The following ZNF532 variants were observed in gnomAD, a reference collection of about 807,000 sequenced individuals.
ZNF532 encodes the protein zinc finger protein 532.
A neutral mutation model predicts 89.3 loss-of-function variants in ZNF532; 22 were observed. The ratio of observed to expected loss-of-function variants is 0.25; its 90% confidence interval spans 0.18 to 0.35. The LOEUF (loss-of-function observed/expected upper bound fraction) is 0.35, where lower values mean the gene tolerates loss of function less well. Ranked by LOEUF, ZNF532 falls within the 10% of genes least tolerant of loss-of-function variation. The pLI, the probability that ZNF532 is intolerant of heterozygous loss-of-function variation, is 1.00. For synonymous variants in ZNF532, 606 were observed against 649.6 expected (o/e 0.93, Z 1.02); for missense variants, 1,132 against 1,643.4 (o/e 0.69, Z 5.38).
intron 7 of ZNF532, among the ~76,000 whole-genome samples, chr18:58,966,460 A>G (rs188101328): frequency 2.6e-4 from 40 of 152,302 alleles, no homozygotes; most frequent in Admixed American, 5.2e-4. Flanking sequence ...GAATCTGGAA[A>G]GCCCCAAGCT....
intron 4 of ZNF532, among the ~76,000 whole-genome samples, chr18:58,938,061 G>C (rs1267876978): frequency 6.6e-6 from 1 of 152,168 alleles, no homozygotes; most frequent in Non-Finnish European, 1.5e-5. Context: ...ATACAATCCA[G>C]AACATGCCAC....
chr18:58,910,366 T>C (rs2060204652), intron 2 of ZNF532, among the ~76,000 whole-genome samples: 1 of 152,206 alleles, frequency 6.6e-6, no homozygotes, highest in Non-Finnish European at 1.5e-5. Context: ...TGTTATTCAT[T>C]TGTATGAATG....
chr18:58,893,172 TTTCATGTG>T lies in ZNF532; in HGVS notation c.-17-25096_-17-25089del, dbSNP rs1306351065. On this transcript the variant is annotated intron_variant, in intron 2 of 9. Transcript: ENST00000591808. ...TTTTGCATTTTTAGCAGAGGCGGGG[TTTCATGTG>T]TTGGCCAGGCTGGTCTTGAACTCCT... 5.9e-5 allele frequency among the ~76,000 whole-genome samples: 9 copies of T among 151,424 alleles called. No individual in the cohort carries two copies. In the East Asian group the frequency reaches 1.8e-3, roughly 30 times the overall value.
chr18:58,898,631 C>CATCA, intron 2 of ZNF532, among the ~76,000 whole-genome samples: 1 of 152,296 alleles, frequency 6.6e-6, no homozygotes, highest in South Asian at 2.1e-4. Context: ...ACCCGCTGAT[C>CATCA]CCAGGTGTAG....
At chr18:58,905,480 G>A (rs1482422614) in intron 2 of ZNF532, among the ~76,000 whole-genome samples, 1 of 149,798 alleles carries the variant, frequency 6.7e-6, no homozygotes, top group East Asian at 2.0e-4. Context: ...ACTCACTGCA[G>A]CCTCTGCCTC....
intron 2 of ZNF532, among the ~76,000 whole-genome samples, chr18:58,895,842 T>C (rs2059210203): frequency 1.3e-5 from 2 of 148,238 alleles, no homozygotes; most frequent in Admixed American, 6.8e-5. Flanking sequence ...AAATCTTCAC[T>C]TTCTTTCTTT....
intron 5 of ZNF532, among the ~76,000 whole-genome samples, chr18:58,946,014 C>G (rs996341888): frequency 1.3e-5 from 2 of 152,164 alleles, no homozygotes; most frequent in Non-Finnish European, 2.9e-5. Context: ...CAGATGTGAG[C>G]CACTGCGCCC....
intron 5 of ZNF532, among the ~76,000 whole-genome samples, chr18:58,944,950 C>T (rs2063522785): frequency 6.6e-6 from 1 of 152,146 alleles, no homozygotes; most frequent in African/African-American, 2.4e-5. Flanking sequence ...TGCTCTCTTC[C>T]ACAAAAGGAA....
chr18:58,942,991 G>A (rs772868801), intron 5 of ZNF532, among the ~76,000 whole-genome samples: 106 of 152,244 alleles, frequency 7.0e-4, no homozygotes, highest in Non-Finnish European at 1.3e-3. Flanking sequence ...CACGATTGTT[G>A]TTTAATTTAC....
intron 2 of ZNF532, among the ~76,000 whole-genome samples, chr18:58,872,424 G>A (rs2057062844): frequency 6.6e-6 from 1 of 152,126 alleles, no homozygotes; most frequent in African/African-American, 2.4e-5. Flanking sequence ...ATTTTCTTTT[G>A]TGAGGAACAA....
At chr18:58,982,583 C>T (rs1179596549) in intron 9 of ZNF532, among the ~76,000 whole-genome samples, 1 of 152,060 alleles carries the variant, frequency 6.6e-6, no homozygotes, top group Non-Finnish European at 1.5e-5. Flanking sequence ...GATCACGCCA[C>T]TGCACTTTAG....
chr18:58,948,690 C>T (rs1365242025), intron 6 of ZNF532, among the ~76,000 whole-genome samples: 1 of 151,656 alleles, frequency 6.6e-6, no homozygotes, highest in Non-Finnish European at 1.5e-5. Flanking sequence ...GCCTCAGCCT[C>T]CCGAGTAGCT....
rs566874390 is a variant in ZNF532 at position 58,962,607 on chromosome 18, C to CTT, written c.3150+8820_3150+8821dup. On this transcript the variant is annotated intron_variant, in intron 7 of 9. Transcript: ENST00000591808. ...AGGGGTGGGACCTGGCCCTGGCATT[C>CTT]TTTTTTTTTTTTTGAGATGGAGTCT... is the stretch of plus-strand genomic sequence containing the variant. Among the ~76,000 whole-genome samples, 7,678 of 143,642 alleles carry CTT rather than the reference C, an allele frequency of 0.053. 1,030 individuals carry two copies. In the East Asian group the frequency reaches 0.54, roughly 10 times the overall value. The allele number at this position is 143,642 out of a possible 152,430, so 94.2% of individuals were successfully genotyped here. A position where few individuals can be genotyped will look rare whatever the true frequency, so the allele number is the denominator to read the frequency against.
At chr18:58,913,225 T>A (rs1445594592) in intron 2 of ZNF532, among the ~76,000 whole-genome samples, 1 of 152,162 alleles carries the variant, frequency 6.6e-6, no homozygotes, top group African/African-American at 2.4e-5. Flanking sequence ...AGCTAAGGTT[T>A]GCATAATGAT....
At chr18:58,933,070 T>C (rs2062092036) in intron 3 of ZNF532, among the ~76,000 whole-genome samples, 1 of 152,196 alleles carries the variant, frequency 6.6e-6, no homozygotes, top group Non-Finnish European at 1.5e-5. Flanking sequence ...AACAAATGGT[T>C]ACCTGTGGTA....
intron 2 of ZNF532, among the ~76,000 whole-genome samples, chr18:58,871,388 A>G (rs2056969625): frequency 3.3e-5 from 5 of 152,180 alleles, no homozygotes; most frequent in Admixed American, 3.3e-4. Flanking sequence ...CCACCGCAGC[A>G]GCTATTATGT....
In ZNF532 at chr18:58,981,520, A is replaced by C. The variant is rs769942113; in HGVS notation, c.3314A>C (p.Lys1105Thr). 3.7e-5 allele frequency: 60 copies of C among 1,614,080 alleles called. No homozygotes were observed. Among genetic ancestry groups the C allele is most frequent in the Non-Finnish European group, 5.0e-5 (59 of 1,180,020 alleles). Reference sequence around the variant, plus strand: ...TTTACCAAACGTTTGATGCTGGAGAAGCACGTCCAGCTGATGCATGGCATC... The same window carrying C: ...TTTACCAAACGTTTGATGCTGGAGACGCACGTCCAGCTGATGCATGGCATC... ...RTFTKRLMLE[K>T]HVQLMHGIKD... is the part of the protein sequence containing the mutation. The change falls in exon 9 of 10, where the codon AAG becomes ACG. Residue 1105 changes from lysine (K) to threonine (T), a missense_variant. Physicochemically the swap from Lys to Thr is moderately conservative, Grantham distance 78. Coordinates refer to ENST00000591808, the MANE Select transcript of ZNF532 (RefSeq NM_001375912.1).
intron 4 of ZNF532, among the ~76,000 whole-genome samples, chr18:58,936,750 G>A (rs1422057018): frequency 2.0e-5 from 3 of 152,216 alleles, no homozygotes; most frequent in Non-Finnish European, 4.4e-5. Context: ...GAAGAGAGGA[G>A]CAATTTTAAA....
At chr18:58,872,949 T>C (rs1484518281) in intron 2 of ZNF532, among the ~76,000 whole-genome samples, 2 of 152,072 alleles carry the variant, frequency 1.3e-5, no homozygotes, top group Non-Finnish European at 2.9e-5. Flanking sequence ...CTGCCCACCT[T>C]GGCCTCCCAA....
Sources: gnomAD v4.1 joint callset for allele counts (sites outside exome capture counted in the v4.1 genomes callset) on GRCh38, gnomAD v4.1.1 for gene constraint, MANE v1.5 for transcripts, NCBI Gene and HGNC (gene_info 2026-07-23, HGNC 2026-07-21) for gene names.